Variants in SEZ6L2 observed in about 807,000 individuals in gnomAD.
The protein encoded by SEZ6L2 is seizure 6-like protein 2.
SEZ6L2 carries 44 observed loss-of-function variants against 97.0 expected under a neutral mutation model. That is an observed-to-expected ratio of 0.45 (90% CI 0.36 to 0.58). The LOEUF (loss-of-function observed/expected upper bound fraction) is 0.58, where lower values mean the gene tolerates loss of function less well. Ranked by LOEUF, SEZ6L2 falls within the 20% of genes least tolerant of loss-of-function variation. SEZ6L2 has a pLI of 0.00. For missense variants in SEZ6L2, 1,086 were observed against 1,233.3 expected (o/e 0.88, Z 1.79); for synonymous variants, 543 against 546.1 (o/e 0.99, Z 0.08).
chr16:29,880,100 G>A (rs2150789156), intron 8 of SEZ6L2, 36 bp from the exon 9 acceptor site: 1 of 1,602,154 alleles, frequency 6.2e-7, no homozygotes, highest in Admixed American at 1.7e-5. Context: ...TAAGCATTAG[G>A]ACAGGCCTCA....
chr16:29,879,968 G>A lies in SEZ6L2; in HGVS notation c.1469C>T (p.Ser490Leu), dbSNP rs760288735. Residue 490 changes from serine to leucine, a missense_variant, in exon 9 of 18, where the codon TCG (serine) becomes TTG (leucine). Coordinates refer to ENST00000617533, the MANE Select transcript of SEZ6L2 (RefSeq NM_001243332.2). ...EYRPGALATF[S>L]CLPGYALEPP... ...CTCCAGGGCATATCCTGGGAGGCAC[G>A]AGAAGGTTGCCAGTGCCCCTGGGCG... 8 of 1,614,094 alleles carry A rather than the reference G, an allele frequency of 5.0e-6. No individual in the cohort carries two copies. The Admixed American group carries it at 5.0e-5, about 10-fold the overall frequency.
At chr16:29,895,668 G>C in intron 4 of SEZ6L2, 53 bp downstream of exon 4, 1 of 1,577,598 alleles carries the variant, frequency 6.3e-7, no homozygotes, top group Non-Finnish European at 8.6e-7. Flanking sequence ...CACACCCACA[G>C]CCCAGAGGAA....
At chr16:29,898,891 C>T in intron 1 of SEZ6L2, 50 bp downstream of exon 1, 1 of 1,457,294 alleles carries the variant, frequency 6.9e-7, no homozygotes, top group Non-Finnish European at 9.5e-7. Context: ...GGGTGGAGGA[C>T]CCCGCTGGAC....
chr16:29,878,567 T>TTTTATTTTA (rs2067960354), intron 9 of SEZ6L2, 142 bp from the exon 10 acceptor site: 2 of 574,246 alleles, frequency 3.5e-6, no homozygotes, highest in East Asian at 7.2e-5. Context: ...TCTTTTATTC[T>TTTTATTTTA]TTTATTTTAT....
chr16:29,885,220 A>G lies in SEZ6L2; in HGVS notation c.1372+366T>C, dbSNP rs557711904. Among the ~76,000 whole-genome samples, 307 of 152,236 alleles carry G rather than the reference A, an allele frequency of 2.0e-3. 1 individual carries two copies. The highest frequency in any genetic ancestry group is 3.2e-3 in the Non-Finnish European group (218 of 68,012). ...GAGACTCGTCTCAAAAAATAAATAAATAAATAAATAAAATAAAAATTAAGT... is the reference window on the plus strand; with the variant it reads ...GAGACTCGTCTCAAAAAATAAATAAGTAAATAAATAAAATAAAAATTAAGT... On this transcript the variant is annotated intron_variant, in intron 8 of 17. Transcript: ENST00000617533.
chr16:29,880,838 T>G (rs1003577728), intron 8 of SEZ6L2, among the ~76,000 whole-genome samples: 2 of 152,208 alleles, frequency 1.3e-5, no homozygotes, highest in East Asian at 3.9e-4. Flanking sequence ...CACAGCTCAT[T>G]GCAGCCTAGA....
chr16:29,889,786 C>T (rs2150806709), intron 5 of SEZ6L2, among the ~76,000 whole-genome samples: 1 of 151,220 alleles, frequency 6.6e-6, no homozygotes, highest in South Asian at 2.1e-4. Flanking sequence ...TGCCACCATG[C>T]CCCGCTAATT....
In SEZ6L2 at chr16:29,888,597, G is replaced by A. The variant is rs2068198638; in HGVS notation, c.982C>T (p.Leu328Phe). ...SGYQLQGEET[L>F]ICLNGTRPSW... ...GGCCGGGTGCCATTGAGGCAGATGA[G>A]GGTCTCCTCTCCCTGCAGCTGGTAG... Residue 328 changes from leucine (L) to phenylalanine (F), a missense_variant, in exon 6 of 18, where the codon CTC becomes TTC. Physicochemically the swap from Leu to Phe is conservative, Grantham distance 22 (BLOSUM62 0). Around this residue, in one of 2 missense-constraint regions of SEZ6L2, gnomAD observed 776 missense variants for 794.7 expected, o/e 0.98. Transcript: ENST00000617533. 1 of 1,614,090 alleles carries A rather than the reference G, an allele frequency of 6.2e-7. No homozygotes were observed. The highest frequency in any genetic ancestry group is 1.3e-5 in the African/African-American group (1 of 75,020).
At chr16:29,877,169 C>T (rs1238011549) in intron 11 of SEZ6L2, 102 bp downstream of exon 11, 2 of 1,334,648 alleles carry the variant, frequency 1.5e-6, no homozygotes, top group Non-Finnish European at 2.0e-6. Context: ...CTCGGCCTCC[C>T]AAGGCCCCGG....
intron 10 of SEZ6L2, 112 bp from the exon 11 acceptor site, chr16:29,877,579 G>A (rs1293616071): frequency 2.0e-6 from 2 of 985,824 alleles, no homozygotes; most frequent in Admixed American, 6.4e-5. Context: ...CTCCAGCCCC[G>A]CCCATATTCT....
chr16:29,890,894 G>A (rs903631114), intron 5 of SEZ6L2, among the ~76,000 whole-genome samples: 2 of 150,776 alleles, frequency 1.3e-5, no homozygotes, highest in Admixed American at 6.6e-5. Flanking sequence ...GATTATAGGC[G>A]TGTGCCACGA....
chr16:29,899,109 T>G lies in SEZ6L2; in HGVS notation c.-90A>C. The G allele has an allele frequency of 4.2e-6, 3 of 711,316 alleles. No homozygotes were observed. The highest frequency in any genetic ancestry group is 6.5e-6 in the Non-Finnish European group (3 of 461,868). The allele number at this position is 711,316 out of a possible 1,614,324, so 44.1% of individuals were successfully genotyped here. On this transcript the variant is annotated 5_prime_UTR_variant, in exon 1 of 18. Coordinates refer to ENST00000617533, the MANE Select transcript of SEZ6L2 (RefSeq NM_001243332.2). The stretch of plus-strand genomic sequence containing the variant: ...GTCTCCGTTTATCTTTCCCTTTAAT[T>G]GTTTTTTTTTTTTTTTTTTTTTTCC...
At position 29,887,640 on chromosome 16, in the gene SEZ6L2, G is replaced by T. The variant is rs200455009; in HGVS notation, c.1208+9C>A. The T allele has an allele frequency of 1.1e-4, 177 of 1,555,642 alleles. No homozygotes were observed. The African/African-American group carries it at 2.2e-3, about 19-fold the overall frequency. On this transcript the variant is annotated intron_variant, in intron 7 of 17. Transcript: ENST00000617533. ...GTGGGGACTTCTGACCCAAGACCCA[G>T]ACCCTTACCGGTCATTGTCCTCATC...
chr16:29,890,281 C>T (rs371122940), intron 5 of SEZ6L2, among the ~76,000 whole-genome samples: 8 of 152,154 alleles, frequency 5.3e-5, no homozygotes, highest in African/African-American at 1.4e-4. Flanking sequence ...CTGAGGCGGG[C>T]GGATCACCTG....
Position 29,873,810 on chromosome 16 carries a change from C to A in SEZ6L2, c.2105-81G>T, listed in dbSNP as rs756693400. The A allele has an allele frequency of 2.6e-5, 35 of 1,334,634 alleles. No individual in the cohort carries two copies. The highest frequency in any genetic ancestry group is 3.3e-5 in the Non-Finnish European group (33 of 993,588). The allele number at this position is 1,334,634 out of a possible 1,614,324, so 82.7% of individuals were successfully genotyped here. A position where few individuals can be genotyped will look rare whatever the true frequency, so the allele number is the denominator to read the frequency against. On this transcript the variant is annotated intron_variant, in intron 12 of 17. Transcript: ENST00000617533. This position sits in a 1 kb window ranked among gnomAD's most constrained non-coding sequence, Gnocchi z 4.3. ...GCAACACAGAGAGACCCCATCTCTA[C>A]AAAAAATTGAAAAATTAGCCAGGAG...
In SEZ6L2 at chr16:29,895,770, T is replaced by G; in HGVS notation, c.602A>C (p.Asp201Ala). 1 of 1,614,062 alleles carries G rather than the reference T, an allele frequency of 6.2e-7. No individual in the cohort carries two copies. ...SPVSRTLGLL[D>A]CTYSIHVYPG... ...GTAGACATGGATGCTGTAAGTGCAG[T>G]CCAGGAGCCCCAGGGTGCGGCTGAC... The change falls in exon 4 of 18, where the codon GAC becomes GCC. Residue 201 changes from aspartate to alanine, a missense_variant. Transcript: ENST00000617533.
At chr16:29,878,519 C>CA in intron 9 of SEZ6L2, 94 bp from the exon 10 acceptor site, 1 of 1,018,996 alleles carries the variant, frequency 9.8e-7, no homozygotes, top group Non-Finnish European at 1.3e-6. Flanking sequence ...TGCACCACAT[C>CA]ACCTCGCTTG....
At position 29,876,101 on chromosome 16, in the gene SEZ6L2, C is replaced by A. The variant is rs946972937; in HGVS notation, c.2104+655G>T. On this transcript the variant is annotated intron_variant, in intron 12 of 17. Coordinates refer to ENST00000617533, the MANE Select transcript of SEZ6L2 (RefSeq NM_001243332.2). The surrounding 1 kb of genome is among the most constrained non-coding windows in gnomAD (Gnocchi z 6.5). ...TCTTCACAACCTCAGTCCTACTTCG[C>A]CGATGGGGAAACCAAGCCTCAGAAA... is the stretch of plus-strand genomic sequence containing the variant. 6.6e-6 allele frequency among the ~76,000 whole-genome samples: 1 copy of A among 152,098 alleles called. No homozygotes were observed. The highest frequency in any genetic ancestry group is 6.6e-5 in the Admixed American group (1 of 15,256).
At chr16:29,875,163 C>T (rs1203546720) in intron 12 of SEZ6L2, among the ~76,000 whole-genome samples, 2 of 152,194 alleles carry the variant, frequency 1.3e-5, no homozygotes, top group Non-Finnish European at 1.5e-5. Context: ...ATGTGAGCCA[C>T]CACACCTGGC....
Sources: gnomAD v4.1 joint callset for allele counts (sites outside exome capture counted in the v4.1 genomes callset) on GRCh38, gnomAD v4.1.1 for gene constraint, gnomAD v4.1.1 regional missense constraint, Gnocchi (gnomAD v3.1) non-coding constraint, MANE v1.5 for transcripts, NCBI Gene and HGNC (gene_info 2026-07-23, HGNC 2026-07-21) for gene names.